Variants in MTUS2 observed in about 807,000 individuals in gnomAD.
The protein encoded by MTUS2 is microtubule associated scaffold protein 2.
A neutral mutation model predicts 114.1 loss-of-function variants in MTUS2; 40 were observed. The observed-to-expected ratio is 0.35, with a 90% CI of 0.27 to 0.46. The LOEUF (loss-of-function observed/expected upper bound fraction) is 0.46, where lower values mean the gene tolerates loss of function less well. MTUS2 is among the 20% of genes least tolerant of loss of function. The pLI is 1.00. For missense variants in MTUS2, 1,679 were observed against 1,705.4 expected (o/e 0.98, Z 0.27); for synonymous variants, 688 against 672.0 (o/e 1.02, Z -0.37).
At chr13:29,093,075 T>C (rs796682794) in intron 4 of MTUS2, among the ~76,000 whole-genome samples, 40 of 152,194 alleles carry the variant, frequency 2.6e-4, no homozygotes, top group African/African-American at 9.1e-4. Flanking sequence ...CTTTCCCCGA[T>C]ATGGGGCCAA....
intron 8 of MTUS2, among the ~76,000 whole-genome samples, chr13:29,415,715 G>T (rs116788552): frequency 0.018 from 2,730 of 152,194 alleles, 83 homozygotes; most frequent in African/African-American, 0.062. Flanking sequence ...TAGCTGATAT[G>T]TTTGGTCTGA....
chr13:29,375,514 AC>A (rs1191032108), intron 8 of MTUS2, among the ~76,000 whole-genome samples: 126 of 8,986 alleles, frequency 0.014, 35 homozygotes, highest in African/African-American at 0.02. Flanking sequence ...GCACCAGCCT[AC>A]TATATATATA....
intron 2 of MTUS2, among the ~76,000 whole-genome samples, chr13:28,933,118 AACACACACACACACACAC>A (rs59162969): frequency 6.2e-5 from 9 of 145,216 alleles, no homozygotes; most frequent in East Asian, 4.1e-4. Flanking sequence ...GGAGAATCAG[AACACACACACACACACAC>A]ACACACACAC....
intron 5 of MTUS2, among the ~76,000 whole-genome samples, chr13:29,112,748 A>AG (rs1593489361): frequency 6.6e-6 from 1 of 152,266 alleles, no homozygotes; most frequent in South Asian, 2.1e-4. Flanking sequence ...ATACAAGTGG[A>AG]GGTACAGCCA....
intron 9 of MTUS2, among the ~76,000 whole-genome samples, chr13:29,475,220 C>T (rs1398171559): frequency 6.6e-6 from 1 of 152,176 alleles, no homozygotes; most frequent in Non-Finnish European, 1.5e-5. Context: ...GTCAGAGCCT[C>T]ATAGCACAAT....
At chr13:29,191,945 TGTG>T (rs1455714092) in intron 5 of MTUS2, among the ~76,000 whole-genome samples, 6 of 152,170 alleles carry the variant, frequency 3.9e-5, no homozygotes, top group Admixed American at 6.5e-5. Context: ...TTGTCAGAGA[TGTG>T]GTGACTACAA....
intron 5 of MTUS2, among the ~76,000 whole-genome samples, chr13:29,202,158 G>A (rs1236261415): frequency 6.6e-6 from 1 of 151,574 alleles, no homozygotes; most frequent in African/African-American, 2.4e-5. Flanking sequence ...ACATTGGTTT[G>A]GTCTTTTCAC....
intron 5 of MTUS2, among the ~76,000 whole-genome samples, chr13:29,114,665 G>A (rs1195788238): frequency 6.6e-6 from 1 of 152,182 alleles, no homozygotes; most frequent in African/African-American, 2.4e-5. Flanking sequence ...GAATAACTGA[G>A]AAGGGAATAA....
chr13:29,143,574 G>T (rs1892313344), intron 5 of MTUS2, among the ~76,000 whole-genome samples: 1 of 152,148 alleles, frequency 6.6e-6, no homozygotes, highest in Non-Finnish European at 1.5e-5. Flanking sequence ...GAGAAATCAA[G>T]TTCTCATTTA....
chr13:29,045,206 C>G (rs1288945261), intron 4 of MTUS2, among the ~76,000 whole-genome samples: 1 of 152,122 alleles, frequency 6.6e-6, no homozygotes, highest in Admixed American at 6.6e-5. Flanking sequence ...TTGTTTTAGT[C>G]TGCTTTGGCT....
intron 8 of MTUS2, among the ~76,000 whole-genome samples, chr13:29,431,199 G>T (rs111499137): frequency 8.5e-5 from 13 of 152,238 alleles, no homozygotes; most frequent in East Asian, 3.9e-4. Flanking sequence ...TGCTTATTTA[G>T]CATTAATTTA....
intron 9 of MTUS2, among the ~76,000 whole-genome samples, chr13:29,477,632 A>G (rs1007701240): frequency 1.3e-5 from 2 of 152,198 alleles, no homozygotes; most frequent in African/African-American, 2.4e-5. Flanking sequence ...TCTCTGACCA[A>G]GTCTGCCTTT....
chr13:28,990,479 T>G (rs1020134481), intron 2 of MTUS2, among the ~76,000 whole-genome samples: 6 of 151,930 alleles, frequency 3.9e-5, no homozygotes, highest in African/African-American at 1.2e-4. Context: ...TCAGTCTGTG[T>G]CTAAAGGATT....
At chr13:29,228,713 G>T (rs4769699) in intron 5 of MTUS2, among the ~76,000 whole-genome samples, 128,717 of 151,500 alleles carry the variant, frequency 0.85, 54,786 homozygotes, top group African/African-American at 0.9. Context: ...GCAGAGAGAG[G>T]AGAGGATGAA....
At chr13:28,823,779 A>T (rs1233877149) in intron 1 of MTUS2, among the ~76,000 whole-genome samples, 1 of 152,242 alleles carries the variant, frequency 6.6e-6, no homozygotes, top group African/African-American at 2.4e-5. Context: ...AAGAGGTTTA[A>T]TTGACTCATA....
chr13:28,909,791 G>C (rs1880288903), intron 2 of MTUS2, among the ~76,000 whole-genome samples: 1 of 152,166 alleles, frequency 6.6e-6, no homozygotes, highest in Non-Finnish European at 1.5e-5. Context: ...CATCGTCTCA[G>C]CCCAAAATCT....
intron 2 of MTUS2, among the ~76,000 whole-genome samples, chr13:28,865,761 T>C (rs1310811566): frequency 6.6e-6 from 1 of 152,162 alleles, no homozygotes; most frequent in Non-Finnish European, 1.5e-5. Context: ...AGCAGTATTA[T>C]TGGGAGCCAG....
At chr13:29,500,700 G>A (rs960334450) in intron 14 of MTUS2, among the ~76,000 whole-genome samples, 19 of 152,050 alleles carry the variant, frequency 1.2e-4, no homozygotes, top group Admixed American at 9.2e-4. Context: ...AGACCCAGTA[G>A]TCAAATGAGG....
intron 5 of MTUS2, among the ~76,000 whole-genome samples, chr13:29,177,565 C>T (rs1439308487): frequency 6.6e-6 from 1 of 152,154 alleles, no homozygotes; most frequent in Non-Finnish European, 1.5e-5. Flanking sequence ...CTAGTCGACA[C>T]AGTGCTTTCT....
Sources: gnomAD v4.1 joint callset for allele counts (sites outside exome capture counted in the v4.1 genomes callset) on GRCh38, gnomAD v4.1.1 for gene constraint, MANE v1.5 for transcripts, NCBI Gene and HGNC (gene_info 2026-07-23, HGNC 2026-07-21) for gene names.